NINJ2: variants seen among roughly 807,000 people sequenced by gnomAD.
NINJ2 encodes ninjurin 2.
A neutral mutation model predicts 11.7 loss-of-function variants in NINJ2; 12 were observed. The ratio of observed to expected loss-of-function variants is 1.02; its 90% CI spans 0.66 to 1.66. The LOEUF is 1.66. Ranked by LOEUF, NINJ2 falls within the 40% of genes most tolerant of loss-of-function variation. The probability of loss-of-function intolerance (pLI) is 0.00; values close to 1 mark genes in which losing one functional copy is unlikely to be tolerated. For missense variants in NINJ2, 187 were observed against 181.8 expected (o/e 1.03, Z -0.16); for synonymous variants, 93 against 76.8 (o/e 1.21, Z -1.10).
At chr12:569,849 G>GGGGCC (rs1393591155) in intron 1 of NINJ2, among the ~76,000 whole-genome samples, 18 of 152,218 alleles carry the variant, frequency 1.2e-4, no homozygotes, top group Non-Finnish European at 2.4e-4. Context: ...CGCTAAATGC[G>GGGGCC]GGGCCGACTC....
chr12:584,105 C>G (rs1947599737), intron 1 of NINJ2, among the ~76,000 whole-genome samples: 1 of 151,536 alleles, frequency 6.6e-6, no homozygotes, highest in Non-Finnish European at 1.5e-5. Flanking sequence ...ATAATTAGTA[C>G]TTAAGTATTT....
At chr12:629,097 A>G (rs1306001197) in intron 1 of NINJ2, among the ~76,000 whole-genome samples, 1 of 152,130 alleles carries the variant, frequency 6.6e-6, no homozygotes, top group Non-Finnish European at 1.5e-5. Flanking sequence ...ACTTTACTTC[A>G]TGGACTAGCC....
chr12:611,336 CTTCT>C (rs1487783988), intron 1 of NINJ2, among the ~76,000 whole-genome samples: 2 of 128,756 alleles, frequency 1.6e-5, no homozygotes, highest in Non-Finnish European at 3.3e-5. Context: ...TCTTTCTTTT[CTTCT>C]TTCTTTCTTC....
At chr12:660,893 G>A (rs111978666) in intron 1 of NINJ2, among the ~76,000 whole-genome samples, 3,131 of 152,186 alleles carry the variant, frequency 0.021, 63 homozygotes, top group African/African-American at 0.053. Flanking sequence ...CCCAGGAGGC[G>A]GAGGTTGCAG....
intron 1 of NINJ2, among the ~76,000 whole-genome samples, chr12:568,895 C>T (rs2120785577): frequency 7.5e-6 from 1 of 134,116 alleles, no homozygotes; most frequent in Admixed American, 7.4e-5. Flanking sequence ...CCCCCGCCCC[C>T]CGGGTAAGCA....
intron 1 of NINJ2, among the ~76,000 whole-genome samples, chr12:579,930 T>C (rs1293681541): frequency 1.3e-5 from 2 of 152,078 alleles, no homozygotes; most frequent in African/African-American, 4.8e-5. Context: ...ATTCTCCTAA[T>C]CCCCTAAAAT....
intron 1 of NINJ2, among the ~76,000 whole-genome samples, chr12:566,913 AG>A (rs1270504454): frequency 3.9e-5 from 6 of 152,260 alleles, no homozygotes; most frequent in Non-Finnish European, 8.8e-5. Context: ...ATCACAATAC[AG>A]GGCATATGCT....
At chr12:656,868 T>C (rs1165894610) in intron 1 of NINJ2, among the ~76,000 whole-genome samples, 1 of 152,072 alleles carries the variant, frequency 6.6e-6, no homozygotes, top group Non-Finnish European at 1.5e-5. Flanking sequence ...CAACTGATCT[T>C]TGATAAAGGA....
chr12:583,542 G>T (rs555649996), intron 1 of NINJ2, among the ~76,000 whole-genome samples: 1 of 152,342 alleles, frequency 6.6e-6, no homozygotes, highest in Non-Finnish European at 1.5e-5. Flanking sequence ...TCACTGTAAG[G>T]CAAAGTCCAG....
intron 1 of NINJ2, among the ~76,000 whole-genome samples, chr12:627,081 T>C (rs948207734): frequency 6.6e-6 from 1 of 151,784 alleles, no homozygotes; most frequent in Admixed American, 6.6e-5. Flanking sequence ...CCAGACCCCA[T>C]CTCAAAAAAA....
intron 1 of NINJ2, among the ~76,000 whole-genome samples, chr12:613,928 A>T (rs1948062900): frequency 1.3e-5 from 2 of 152,002 alleles, no homozygotes; most frequent in Admixed American, 1.3e-4. Context: ...AATAAATTAA[A>T]TAAATAAATT....
At chr12:565,703 G>A in intron 2 of NINJ2, 1 of 621,668 alleles carries the variant, frequency 1.6e-6, no homozygotes, top group South Asian at 1.8e-5. Flanking sequence ...GCGAGGTGCT[G>A]GCGCAGTCAT....
At chr12:569,529 G>A (rs889342315) in intron 1 of NINJ2, among the ~76,000 whole-genome samples, 9 of 152,044 alleles carry the variant, frequency 5.9e-5, no homozygotes, top group Admixed American at 4.6e-4. Context: ...CCTCCTTCCT[G>A]GTCTAGCTCA....
intron 1 of NINJ2, among the ~76,000 whole-genome samples, chr12:593,326 C>T (rs531141795): frequency 6.6e-6 from 1 of 152,284 alleles, no homozygotes; most frequent in East Asian, 1.9e-4. Flanking sequence ...TGAAACAGAT[C>T]TGAAAACCTA....
At chr12:611,730 C>T (rs1948035922) in intron 1 of NINJ2, among the ~76,000 whole-genome samples, 2 of 152,254 alleles carry the variant, frequency 1.3e-5, no homozygotes, top group Non-Finnish European at 2.9e-5. Context: ...AAGCATTTCC[C>T]TGTAGATATT....
At chr12:631,340 T>C (rs1948278839) in intron 1 of NINJ2, among the ~76,000 whole-genome samples, 1 of 152,180 alleles carries the variant, frequency 6.6e-6, no homozygotes, top group Non-Finnish European at 1.5e-5. Flanking sequence ...GAGCTGCCTC[T>C]ACCTTTTTTT....
At chr12:604,930 T>A (rs1448498650) in intron 1 of NINJ2, among the ~76,000 whole-genome samples, 2 of 152,224 alleles carry the variant, frequency 1.3e-5, no homozygotes, top group African/African-American at 2.4e-5. Context: ...AGGAACTGGT[T>A]TAGGTCCACA....
chr12:629,302 G>C (rs144880616), intron 1 of NINJ2, among the ~76,000 whole-genome samples: 4 of 152,188 alleles, frequency 2.6e-5, no homozygotes, highest in African/African-American at 9.7e-5. Context: ...CAAGTTCACC[G>C]AAGGAGTAAG....
intron 1 of NINJ2, among the ~76,000 whole-genome samples, chr12:648,886 G>A (rs925510380): frequency 6.6e-6 from 1 of 152,036 alleles, no homozygotes; most frequent in African/African-American, 2.4e-5. Context: ...TGTTCACACT[G>A]TTTTCGGCAC....
Sources: allele counts gnomAD v4.1 joint callset (sites outside exome capture counted in the v4.1 genomes callset), GRCh38; gene constraint gnomAD v4.1.1; transcripts MANE v1.5; gene names NCBI Gene and HGNC (gene_info 2026-07-23, HGNC 2026-07-21).